Variants in PDE6B observed in about 807,000 individuals in gnomAD.
PDE6B encodes the protein rod cGMP-specific 3',5'-cyclic phosphodiesterase subunit beta.
A neutral mutation model predicts 109.0 loss-of-function variants in PDE6B; 106 were observed. The ratio of observed to expected loss-of-function variants is 0.97; its 90% CI spans 0.83 to 1.14. The LOEUF is 1.14. Ranked by LOEUF, PDE6B falls within the 50% of genes most tolerant of loss-of-function variation. The pLI is 0.00. For missense variants in PDE6B, 1,193 were observed against 1,155.6 expected (o/e 1.03, Z -0.47); for synonymous variants, 490 against 471.3 (o/e 1.04, Z -0.51).
intron 6 of PDE6B, 47 bp from the exon 7 acceptor site, chr4:655,893 A>T: frequency 2.6e-6 from 3 of 1,133,436 alleles, no homozygotes; most frequent in Non-Finnish European, 4.0e-6. Flanking sequence ...CTGCACGCGC[A>T]CATCCAGCCC....
In PDE6B at chr4:659,086, A is replaced by T. The variant is rs1347690516; in HGVS notation, c.1467+69A>T. 2.6e-6 allele frequency: 3 copies of T among 1,168,940 alleles called. No homozygotes were observed. In the African/African-American group the frequency reaches 4.5e-5, roughly 18 times the overall value. The allele number at this position is 1,168,940 out of a possible 1,614,324, so 72.4% of individuals were successfully genotyped here. A position where few individuals can be genotyped will look rare whatever the true frequency, so the allele number is the denominator to read the frequency against. ...GTGAGGCTGGGAGGAAGAGTTCTGC[A>T]TTCTCCGGGACCCGACGGTGCTTTG... On this transcript the variant is annotated intron_variant, in intron 11 of 21. Coordinates refer to ENST00000496514, the MANE Select transcript of PDE6B (RefSeq NM_000283.4).
chr4:661,146 A>T (rs1737060325), intron 12 of PDE6B: 1 of 153,896 alleles, frequency 6.5e-6, no homozygotes, highest in South Asian at 2.0e-4. Flanking sequence ...CAATTAATGA[A>T]TTAATAGATG....
chr4:645,923 C>T (rs1735180598), intron 3 of PDE6B, among the ~76,000 whole-genome samples: 3 of 152,022 alleles, frequency 2.0e-5, no homozygotes, highest in African/African-American at 7.3e-5. Context: ...TCACTTCCAC[C>T]CTTATAAAAT....
intron 3 of PDE6B, among the ~76,000 whole-genome samples, chr4:640,138 T>C (rs962661613): frequency 1.6e-4 from 24 of 152,204 alleles, no homozygotes; most frequent in Admixed American, 9.2e-4. Context: ...AGACCCTATC[T>C]CTACAAAAAA....
At chr4:637,752 G>A (rs556619731) in intron 3 of PDE6B, among the ~76,000 whole-genome samples, 5 of 152,190 alleles carry the variant, frequency 3.3e-5, no homozygotes, top group Non-Finnish European at 5.9e-5. Flanking sequence ...CTGCGTGTGC[G>A]CAGAGCTGCA....
At position 660,438 on chromosome 4, in the gene PDE6B, C is replaced by A. The variant is rs1736923889; in HGVS notation, c.1468-29C>A. ...GCAAGTGGGGGCTGTGGCAGGCCAA[C>A]CTCCCTCAGCCCACAATCCCTCCCA... On this transcript the variant is annotated intron_variant, in intron 11 of 21. Transcript: ENST00000496514. 3.1e-6 allele frequency: 5 copies of A among 1,612,304 alleles called. 1 individual carries two copies. The South Asian group carries it at 5.5e-5, about 18-fold the overall frequency.
In PDE6B at chr4:665,507, C is replaced by A. The variant is rs2109272516; in HGVS notation, c.2268+178C>A. 6.6e-6 allele frequency among the ~76,000 whole-genome samples: 1 copy of A among 152,268 alleles called. No homozygotes were observed. The highest frequency in any genetic ancestry group is 2.4e-5 in the African/African-American group (1 of 41,558). On this transcript the variant is annotated intron_variant, in intron 19 of 21. Transcript: ENST00000496514. The surrounding 1 kb of genome is among the most constrained non-coding windows in gnomAD (Gnocchi z 4.0). ...GTGGGTGGCTCGGACCTGGGTACAG[C>A]TGTGGCTTGGGTGATGCTTATGCAG...
intron 3 of PDE6B, among the ~76,000 whole-genome samples, chr4:643,787 G>A (rs535496232): frequency 6.7e-6 from 1 of 150,030 alleles, no homozygotes; most frequent in South Asian, 2.1e-4. Flanking sequence ...TAAGCTTTGA[G>A]TGTTGATTTA....
intron 3 of PDE6B, among the ~76,000 whole-genome samples, chr4:638,299 C>T (rs1734790194): frequency 6.6e-6 from 1 of 152,100 alleles, no homozygotes; most frequent in Non-Finnish European, 1.5e-5. Context: ...GTGTTCTTAG[C>T]ATTTGAAGAG....
At chr4:635,191 G>C (rs1577245876) in intron 2 of PDE6B, among the ~76,000 whole-genome samples, 1 of 115,032 alleles carries the variant, frequency 8.7e-6, no homozygotes, top group Non-Finnish European at 1.8e-5. Flanking sequence ...CTCCTTACCT[G>C]CCTGCCCGCC....
At chr4:654,675 A>T in intron 5 of PDE6B, 149 bp from the exon 6 acceptor site, 1 of 761,982 alleles carries the variant, frequency 1.3e-6, no homozygotes, top group African/African-American at 1.7e-5. Context: ...CGGCGGAGAC[A>T]TCTGTTCACG....
rs1577291174 is a variant in PDE6B, at chr4:659,879, C to T, written c.1468-588C>T. ...TGGTGTCCCCATCACCCTGTGTCTG[C>T]CTATGCAATTTAGCCAGAATCTCCC... On this transcript the variant is annotated intron_variant, in intron 11 of 21. Transcript: ENST00000496514. 2.6e-5 allele frequency among the ~76,000 whole-genome samples: 4 copies of T among 152,328 alleles called. No homozygotes were observed. The South Asian group carries it at 8.3e-4, about 32-fold the overall frequency.
At chr4:667,754 G>A in intron 20 of PDE6B, 102 bp from the exon 21 acceptor site, 2 of 1,283,302 alleles carry the variant, frequency 1.6e-6, no homozygotes, top group Admixed American at 1.7e-5. Flanking sequence ...CCTCCTGCCA[G>A]GCAGTTCATC....
intron 11 of PDE6B, 26 bp from the exon 12 acceptor site, chr4:660,440 TC>T: frequency 4.3e-6 from 7 of 1,612,494 alleles, no homozygotes; most frequent in Non-Finnish European, 5.9e-6. Context: ...CAGGCCAACC[TC>T]CCTCAGCCCA....
chr4:653,248 AGGGCCTGGTG>A (rs1735751037), intron 3 of PDE6B: 4 of 1,009,870 alleles, frequency 4.0e-6, no homozygotes, highest in Admixed American at 5.1e-5. Context: ...GTGAGGAGGC[AGGGCCTGGTG>A]GGGCCTGGGT....
intron 6 of PDE6B, 95 bp from the exon 7 acceptor site, chr4:655,843 CCT>C (rs937899236): frequency 7.2e-5 from 58 of 803,826 alleles, no homozygotes; most frequent in Middle Eastern, 2.3e-4. Context: ...TAGACCAGCC[CCT>C]CTCACCCCTG....
intron 10 of PDE6B, among the ~76,000 whole-genome samples, chr4:658,275 TGCGGCGGGGGCAG>T (rs1736610465): frequency 9.1e-6 from 1 of 109,550 alleles, no homozygotes; most frequent in Non-Finnish European, 1.8e-5. Context: ...GTCACGGCTG[TGCGGCGGGGGCAG>T]GTCGTCCAGG....
At chr4:645,138 A>G (rs1735137167) in intron 3 of PDE6B, among the ~76,000 whole-genome samples, 1 of 152,074 alleles carries the variant, frequency 6.6e-6, no homozygotes, top group South Asian at 2.1e-4. Context: ...GATTATTATT[A>G]GCATAGCATA....
chr4:629,175 G>A (rs1451648258), intron 1 of PDE6B, among the ~76,000 whole-genome samples: 2 of 152,222 alleles, frequency 1.3e-5, no homozygotes, highest in South Asian at 2.1e-4. Flanking sequence ...AGCACAGGTC[G>A]GGTGCAGAGA....
Sources: gnomAD v4.1 joint callset for allele counts (sites outside exome capture counted in the v4.1 genomes callset) on GRCh38, gnomAD v4.1.1 for gene constraint, Gnocchi (gnomAD v3.1) non-coding constraint, MANE v1.5 for transcripts, NCBI Gene and HGNC (gene_info 2026-07-23, HGNC 2026-07-21) for gene names.